Variants in NAV2 observed in about 807,000 individuals in gnomAD.
The protein encoded by NAV2 is neuron navigator 2.
NAV2 carries 54 observed loss-of-function variants against 223.2 expected under a neutral mutation model. That is an observed-to-expected ratio of 0.24 (90% CI 0.19 to 0.30). The LOEUF (loss-of-function observed/expected upper bound fraction) is 0.30. Ranked by LOEUF, NAV2 falls within the 10% of genes least tolerant of loss-of-function variation. The pLI is 1.00. For missense variants in NAV2, 2,806 were observed against 3,147.5 expected (o/e 0.89, Z 2.60); for synonymous variants, 1,279 against 1,239.3 (o/e 1.03, Z -0.67).
intron 1 of NAV2, among the ~76,000 whole-genome samples, chr11:19,365,794 C>T (rs1848257400): frequency 6.6e-6 from 1 of 152,170 alleles, no homozygotes; most frequent in African/African-American, 2.4e-5. Flanking sequence ...TAGTGTTTTG[C>T]TGATACTTAG....
At chr11:19,972,594 T>G (rs1020431688) in intron 10 of NAV2, among the ~76,000 whole-genome samples, 3 of 152,192 alleles carry the variant, frequency 2.0e-5, no homozygotes, top group Admixed American at 2.0e-4. Context: ...TCCTTTGTGT[T>G]TGTACATGCG....
chr11:19,952,107 G>A (rs1239256224), intron 10 of NAV2, among the ~76,000 whole-genome samples: 3 of 152,206 alleles, frequency 2.0e-5, no homozygotes, highest in Non-Finnish European at 2.9e-5. Context: ...AGAGTTCAGA[G>A]CAAGACACTT....
chr11:19,399,038 G>A (rs753604246), intron 1 of NAV2, among the ~76,000 whole-genome samples: 11 of 152,070 alleles, frequency 7.2e-5, no homozygotes, highest in Non-Finnish European at 5.9e-5. Context: ...GGTCACTTTC[G>A]GTTAAAAGAT....
intron 1 of NAV2, among the ~76,000 whole-genome samples, chr11:19,562,774 C>T (rs894576157): frequency 6.6e-6 from 1 of 152,204 alleles, no homozygotes; most frequent in African/African-American, 2.4e-5. Flanking sequence ...GGTTTTATGT[C>T]TCCTAGTCTA....
chr11:19,714,541 G>A, intron 1 of NAV2: 1 of 452,882 alleles, frequency 2.2e-6, no homozygotes, highest in South Asian at 1.6e-5. Flanking sequence ...TGCTGGGACT[G>A]CGGTACTAGT....
intron 1 of NAV2, among the ~76,000 whole-genome samples, chr11:19,428,183 T>TGG: frequency 6.6e-6 from 1 of 152,338 alleles, no homozygotes; most frequent in East Asian, 1.9e-4. Flanking sequence ...CAGGGTTTTT[T>TGG]TTGTTGCTGT....
intron 3 of NAV2, among the ~76,000 whole-genome samples, chr11:19,853,539 G>T (rs1208476400): frequency 6.6e-6 from 1 of 152,148 alleles, no homozygotes; most frequent in African/African-American, 2.4e-5. Context: ...ATCAGCTATT[G>T]TTAGTGTATT....
At chr11:19,766,444 G>C (rs1461814247) in intron 1 of NAV2, among the ~76,000 whole-genome samples, 1 of 152,172 alleles carries the variant, frequency 6.6e-6, no homozygotes, top group African/African-American at 2.4e-5. Context: ...TGTCATTAGA[G>C]CATCCCTGGA....
At chr11:20,008,616 C>G (rs750166360) in intron 11 of NAV2, among the ~76,000 whole-genome samples, 7 of 152,136 alleles carry the variant, frequency 4.6e-5, no homozygotes, top group Non-Finnish European at 8.8e-5. Context: ...CAACAGCCAA[C>G]AGACTTTGAA....
At chr11:19,480,240 T>C (rs1369852418) in intron 1 of NAV2, among the ~76,000 whole-genome samples, 4 of 152,192 alleles carry the variant, frequency 2.6e-5, no homozygotes, top group Non-Finnish European at 5.9e-5. Context: ...TCCCAGAGGA[T>C]GTAGTGTATC....
intron 1 of NAV2, among the ~76,000 whole-genome samples, chr11:19,472,746 G>A (rs555292435): frequency 3.3e-5 from 5 of 152,234 alleles, no homozygotes; most frequent in East Asian, 1.9e-4. Flanking sequence ...TGATTTAGGC[G>A]GTGCTACTAA....
intron 1 of NAV2, among the ~76,000 whole-genome samples, chr11:19,482,485 G>A (rs1018845990): frequency 5.3e-5 from 8 of 152,182 alleles, no homozygotes; most frequent in African/African-American, 1.2e-4. Context: ...GAGTCAAGCC[G>A]GGGCTGACTC....
At chr11:20,071,773 G>A (rs1327281522) in intron 22 of NAV2, among the ~76,000 whole-genome samples, 1 of 152,110 alleles carries the variant, frequency 6.6e-6, no homozygotes, top group Admixed American at 6.5e-5. Flanking sequence ...CCCACTAAAT[G>A]GGTGGGTGGG....
intron 11 of NAV2, among the ~76,000 whole-genome samples, chr11:20,034,258 C>T (rs1403864917): frequency 1.4e-5 from 2 of 145,898 alleles, no homozygotes; most frequent in Admixed American, 6.9e-5. Context: ...TACCCTTTTC[C>T]CCTATAGGTC....
At chr11:20,023,309 T>G in intron 11 of NAV2, among the ~76,000 whole-genome samples, 1 of 151,602 alleles carries the variant, frequency 6.6e-6, no homozygotes, top group Admixed American at 6.6e-5. Context: ...GGGGGCAAGG[T>G]TGCTGGTCAG....
intron 1 of NAV2, among the ~76,000 whole-genome samples, chr11:19,452,488 TC>T (rs1265429733): frequency 6.6e-6 from 1 of 152,134 alleles, no homozygotes; most frequent in Non-Finnish European, 1.5e-5. Flanking sequence ...GGGTGAGAAA[TC>T]CTCCTCTCTC....
intron 1 of NAV2, among the ~76,000 whole-genome samples, chr11:19,383,106 G>A (rs1848905979): frequency 6.6e-6 from 1 of 152,158 alleles, no homozygotes. Flanking sequence ...AATCCCATTT[G>A]CCTTCAATCC....
At chr11:19,824,232 A>T (rs1220621008) in intron 1 of NAV2, among the ~76,000 whole-genome samples, 2 of 152,230 alleles carry the variant, frequency 1.3e-5, no homozygotes, top group Non-Finnish European at 2.9e-5. Context: ...TTCAGAAGGG[A>T]TATGACTCCC....
chr11:19,636,691 T>C (rs2009400), intron 1 of NAV2, among the ~76,000 whole-genome samples: 151,277 of 152,212 alleles, frequency 0.99, 75,181 homozygotes, highest in Middle Eastern at 1. Context: ...AGGATGGTCT[T>C]GATCTCCTGA....
Sources: allele counts gnomAD v4.1 joint callset (sites outside exome capture counted in the v4.1 genomes callset), GRCh38; gene constraint gnomAD v4.1.1; transcripts MANE v1.5; gene names NCBI Gene and HGNC (gene_info 2026-07-23, HGNC 2026-07-21).